The following CXCL17 variants were observed in gnomAD, a reference collection of about 807,000 sequenced individuals.
The protein encoded by CXCL17 is C-X-C motif chemokine ligand 17.
In CXCL17, 9 loss-of-function variants were observed where a neutral mutation model predicts 15.5. The observed-to-expected ratio is 0.58, with a 90% CI of 0.35 to 1.01. CXCL17 has a LOEUF of 1.01. Among genes scored for constraint, CXCL17 ranks in the 50% least tolerant of loss-of-function variants. The pLI, the probability that CXCL17 is intolerant of heterozygous loss-of-function variation, is 0.02. For synonymous variants in CXCL17, 52 were observed against 52.3 expected, an observed-to-expected ratio of 0.99 and a Z score of 0.02; for missense variants, 133 against 138.2, an observed-to-expected ratio of 0.96 and a Z score of 0.19.
chr19:42,442,130 A>C (rs537970106), intron 1 of CXCL17, among the ~76,000 whole-genome samples: 24 of 152,136 alleles, frequency 1.6e-4, no homozygotes, highest in African/African-American at 5.3e-4. Context: ...GGGAGAAGGC[A>C]TGGGAGCAAA....
chr19:42,429,054 G>A, intron 3 of CXCL17, 73 bp from the exon 4 acceptor site: 1 of 1,220,330 alleles, frequency 8.2e-7, no homozygotes. Flanking sequence ...TGGAGACGGA[G>A]TCTTGCTCTA....
At chr19:42,438,891 G>A (rs1568622934) in intron 1 of CXCL17, among the ~76,000 whole-genome samples, 1 of 152,128 alleles carries the variant, frequency 6.6e-6, no homozygotes, top group Non-Finnish European at 1.5e-5. Context: ...AATAATGATA[G>A]TAGTGGATTC....
intron 1 of CXCL17, among the ~76,000 whole-genome samples, chr19:42,435,336 G>C (rs1185910182): frequency 6.6e-6 from 1 of 152,058 alleles, no homozygotes; most frequent in African/African-American, 2.4e-5. Flanking sequence ...CATTGTTGTT[G>C]AATGCAGTTC....
intron 1 of CXCL17, among the ~76,000 whole-genome samples, chr19:42,441,447 T>C (rs1430133548): frequency 6.6e-6 from 1 of 152,046 alleles, no homozygotes; most frequent in Non-Finnish European, 1.5e-5. Flanking sequence ...GTATTTTTAG[T>C]GAGTAGAGGG....
At chr19:42,441,771 C>T (rs2147706474) in intron 1 of CXCL17, among the ~76,000 whole-genome samples, 1 of 152,222 alleles carries the variant, frequency 6.6e-6, no homozygotes, top group South Asian at 2.1e-4. Context: ...GGGATCAGGT[C>T]TTTTCTGCGT....
Position 42,429,073 on chromosome 19 carries a change from G to A in CXCL17, c.263-92C>T, listed in dbSNP as rs141195639. 6.1e-4 allele frequency: 602 copies of A among 983,092 alleles called. 2 individuals carry two copies. In the African/African-American group the frequency reaches 8.8e-3, roughly 14 times the overall value. 60.9% of individuals were successfully genotyped at this position (983,092 alleles called of 1,614,324 possible). A position where few individuals can be genotyped will look rare whatever the true frequency, so the allele number is the denominator to read the frequency against. Reference sequence around the variant, plus strand: ...GACGGAGTCTTGCTCTATTGCCCAGGCTGGAGTGCAGTGGCAGGATCTCAA... The same window carrying A: ...GACGGAGTCTTGCTCTATTGCCCAGACTGGAGTGCAGTGGCAGGATCTCAA... On this transcript the variant is annotated intron_variant, in intron 3 of 3. Transcript: ENST00000601181.
intron 1 of CXCL17, among the ~76,000 whole-genome samples, chr19:42,438,884 A>G (rs1193632084): frequency 1.3e-5 from 2 of 152,168 alleles, no homozygotes; most frequent in Non-Finnish European, 2.9e-5. Flanking sequence ...CATAATAAAT[A>G]ATGATAGTAG....
In CXCL17 at chr19:42,432,962, C is replaced by T; in HGVS notation, c.262+14G>A. Reference sequence around the variant, plus strand: ...TGACTCTGGTATAAGGAAAATCATCCTTTGGAAACTTACTTGTTTTCTTCA... The same window carrying T: ...TGACTCTGGTATAAGGAAAATCATCTTTTGGAAACTTACTTGTTTTCTTCA... On this transcript the variant is annotated intron_variant, in intron 3 of 3. Transcript: ENST00000601181. The T allele has an allele frequency of 6.2e-7, 1 of 1,600,798 alleles. No individual in the cohort carries two copies. The highest frequency in any genetic ancestry group is 8.6e-7 in the Non-Finnish European group (1 of 1,168,000).
At chr19:42,439,409 G>C (rs1052922112) in intron 1 of CXCL17, among the ~76,000 whole-genome samples, 1 of 151,818 alleles carries the variant, frequency 6.6e-6, no homozygotes, top group East Asian at 1.9e-4. Flanking sequence ...ATCATCCATA[G>C]ATTCTAAAAG....
rs770736358 is a variant in CXCL17 at position 42,428,833 on chromosome 19, C to T, written c.*51G>A. 1.4e-6 allele frequency: 2 copies of T among 1,399,084 alleles called. No homozygotes were observed. Among genetic ancestry groups the T allele is most frequent in the East Asian group, 4.6e-5 (2 of 43,814 alleles). 86.7% of individuals were successfully genotyped at this position (1,399,084 alleles called of 1,614,324 possible). On this transcript the variant is annotated 3_prime_UTR_variant, in exon 4 of 4. Transcript: ENST00000601181. ...GAAGAGTGTCTGGTAGGTGTGCTCA[C>T]TGTCTTCTTGGCTGAGAATGTTTAA...
At chr19:42,435,426 T>C (rs1173658911) in intron 1 of CXCL17, among the ~76,000 whole-genome samples, 2 of 152,192 alleles carry the variant, frequency 1.3e-5, no homozygotes, top group African/African-American at 4.8e-5. Context: ...GTTGAATCCA[T>C]AACCCCCAGT....
At chr19:42,442,681 A>G in intron 1 of CXCL17, 73 bp downstream of exon 1, 1 of 1,075,588 alleles carries the variant, frequency 9.3e-7, no homozygotes, top group South Asian at 1.3e-5. Context: ...GAGAAGCTGC[A>G]TTTTGATGTG....
At position 42,442,816 on chromosome 19, in the gene CXCL17, G is replaced by A. The variant is rs1341263881; in HGVS notation, c.17C>T (p.Ser6Phe). The A allele has an allele frequency of 1.2e-6, 2 of 1,613,706 alleles. No homozygotes were observed. Among genetic ancestry groups the A allele is most frequent in the Admixed American group, 1.7e-5 (1 of 60,018 alleles). The change falls in exon 1 of 4, where the codon TCT (serine) becomes TTT (phenylalanine). Residue 6 changes from serine (S) to phenylalanine (F), a missense_variant. Ser to Phe is a radical substitution (Grantham distance 155). Transcript: ENST00000601181. MKVLI[S>F]SLLLLLPLML... is the part of the protein sequence containing the mutation. ...TAGTGGCAGCAACAGGAGGAGGGAA[G>A]AGATTAGAACTTTCATCGCAACTGT...
intron 1 of CXCL17, among the ~76,000 whole-genome samples, chr19:42,439,988 A>G (rs568480916): frequency 5.3e-5 from 8 of 152,334 alleles, no homozygotes; most frequent in African/African-American, 1.7e-4. Context: ...TGATAATTGT[A>G]TTATGGTTAC....
chr19:42,435,548 T>G (rs957782405), intron 1 of CXCL17, among the ~76,000 whole-genome samples: 20 of 151,498 alleles, frequency 1.3e-4, no homozygotes, highest in African/African-American at 4.4e-4. Flanking sequence ...AAAAGGAGAT[T>G]TGGGCTGGGC....
rs1235791692 is a variant in CXCL17 at position 42,428,353 on chromosome 19, C to T, written c.*531G>A. ...GGTATGCTTTTTTTTTTTTGTCCCA[C>T]CTCGCTCTTACCTCAGAAAGATTTG... On this transcript the variant is annotated 3_prime_UTR_variant, in exon 4 of 4. Coordinates refer to ENST00000601181, the MANE Select transcript of CXCL17 (RefSeq NM_198477.3). 6.7e-6 allele frequency: 1 copy of T among 150,250 alleles called. No homozygotes were observed. The highest frequency in any genetic ancestry group is 1.5e-5 in the Non-Finnish European group (1 of 67,782). 9.3% of individuals were successfully genotyped at this position (150,250 alleles called of 1,614,324 possible). A position where few individuals can be genotyped will look rare whatever the true frequency, so the allele number is the denominator to read the frequency against.
chr19:42,438,407 A>ATATATATATATATATATAT (rs1568622705), intron 1 of CXCL17, among the ~76,000 whole-genome samples: 1 of 101,144 alleles, frequency 9.9e-6, no homozygotes, highest in African/African-American at 5.1e-5. Flanking sequence ...TATATATATA[A>ATATATATATATATATATAT]AATACACACA....
intron 3 of CXCL17, among the ~76,000 whole-genome samples, chr19:42,429,393 A>G (rs776745506): frequency 2.6e-4 from 40 of 151,504 alleles, no homozygotes; most frequent in Non-Finnish European, 5.0e-4. Context: ...CAGTGGTGCA[A>G]TCTTGGCTCA....
At chr19:42,436,483 GTTT>G (rs539933175) in intron 1 of CXCL17, among the ~76,000 whole-genome samples, 2 of 145,126 alleles carry the variant, frequency 1.4e-5, no homozygotes, top group African/African-American at 2.5e-5. Flanking sequence ...TAATTCTGAA[GTTT>G]TTTTTTTTTT....
Sources: allele counts gnomAD v4.1 joint callset (sites outside exome capture counted in the v4.1 genomes callset), GRCh38; gene constraint gnomAD v4.1.1; transcripts MANE v1.5; gene names NCBI Gene and HGNC (gene_info 2026-07-23, HGNC 2026-07-21).